Variants in AGK observed in about 807,000 individuals in gnomAD.
The protein encoded by AGK is acylglycerol kinase, also known as acylglycerol kinase, mitochondrial.
A neutral mutation model predicts 66.4 loss-of-function variants in AGK; 52 were observed. The observed-to-expected ratio is 0.78, with a 90% CI of 0.63 to 0.99. The LOEUF (loss-of-function observed/expected upper bound fraction) is 0.99. Ranked by LOEUF, AGK falls within the 50% of genes least tolerant of loss-of-function variation. The probability of loss-of-function intolerance (pLI) is 0.00; values close to 1 mark genes in which losing one functional copy is unlikely to be tolerated. For missense variants in AGK, 451 were observed against 506.6 expected (o/e 0.89, Z 1.05); for synonymous variants, 182 against 181.1 (o/e 1.00, Z -0.04).
Position 141,561,615 on chromosome 7 carries a change from T to A in AGK, c.101+6048T>A, listed in dbSNP as rs532037804. Among the ~76,000 whole-genome samples, 50 of 147,796 alleles carry A rather than the reference T, an allele frequency of 3.4e-4. 1 individual carries two copies. In the South Asian group the frequency reaches 0.011, roughly 31 times the overall value. On this transcript the variant is annotated intron_variant, in intron 2 of 15. Coordinates refer to ENST00000649286, the MANE Select transcript of AGK (RefSeq NM_018238.4). ...CTTAGGCCACTTTTTGATGGAATTA[T>A]TTTTTTTTTCTTGCTGATTTGTTTG...
At chr7:141,619,885 C>T (rs996783663) in intron 8 of AGK, among the ~76,000 whole-genome samples, 1 of 152,190 alleles carries the variant, frequency 6.6e-6, no homozygotes, top group African/African-American at 2.4e-5. Context: ...AAAACCTGTA[C>T]ATGAATATTT....
chr7:141,641,963 G>A, intron 13 of AGK, 55 bp downstream of exon 13: 1 of 1,371,864 alleles, frequency 7.3e-7, no homozygotes. Context: ...AGTGACAATA[G>A]CTATAGTCCT....
intron 7 of AGK, 36 bp from the exon 8 acceptor site, chr7:141,615,435 A>C (rs532523468): frequency 3.2e-6 from 5 of 1,569,608 alleles, no homozygotes; most frequent in Non-Finnish European, 4.4e-6. Flanking sequence ...TTTTCTGATC[A>C]TAACAATAAA....
At chr7:141,626,388 T>C (rs1796938904) in intron 9 of AGK, among the ~76,000 whole-genome samples, 1 of 152,186 alleles carries the variant, frequency 6.6e-6, no homozygotes, top group African/African-American at 2.4e-5. Context: ...GTAGAGATCA[T>C]CAGTGAATAC....
At chr7:141,645,798 A>C (rs1797397648) in intron 13 of AGK, among the ~76,000 whole-genome samples, 1 of 152,220 alleles carries the variant, frequency 6.6e-6, no homozygotes, top group African/African-American at 2.4e-5. Flanking sequence ...ATCTATTGAG[A>C]TAATAAAGTT....
At chr7:141,637,296 G>A (rs867748676) in intron 11 of AGK, among the ~76,000 whole-genome samples, 1 of 151,886 alleles carries the variant, frequency 6.6e-6, no homozygotes, top group Non-Finnish European at 1.5e-5. Context: ...TCTCTTGCCC[G>A]ACAGACCTTG....
chr7:141,637,087 T>A, intron 11 of AGK, 70 bp downstream of exon 11: 1 of 1,304,270 alleles, frequency 7.7e-7, no homozygotes, highest in Non-Finnish European at 1.1e-6. Flanking sequence ...ATATATTTGG[T>A]ATTTTTTTTT....
intron 5 of AGK, among the ~76,000 whole-genome samples, chr7:141,603,717 G>A (rs1481211459): frequency 6.6e-6 from 1 of 152,124 alleles, no homozygotes; most frequent in Non-Finnish European, 1.5e-5. Context: ...ATAGTGGCAT[G>A]GCTGAGGAAG....
At chr7:141,641,549 A>G (rs1797290408) in intron 12 of AGK, 151 bp downstream of exon 12, 1 of 932,366 alleles carries the variant, frequency 1.1e-6, no homozygotes, top group African/African-American at 1.7e-5. Context: ...CCACCAGAGC[A>G]GGCCCAAGCA....
At chr7:141,650,292 G>T (rs1408879985) in intron 14 of AGK, among the ~76,000 whole-genome samples, 1 of 152,240 alleles carries the variant, frequency 6.6e-6, no homozygotes, top group Non-Finnish European at 1.5e-5. Flanking sequence ...TCTACAGAAT[G>T]TCCAGAAATC....
intron 2 of AGK, among the ~76,000 whole-genome samples, chr7:141,575,654 CTTTTTTTTTTTT>C (rs58292692): frequency 1.1e-3 from 62 of 58,242 alleles, no homozygotes; most frequent in Non-Finnish European, 2.0e-3. Flanking sequence ...TTACAAAGGC[CTTTTTTTTTTTT>C]TTTTTTTTTT....
chr7:141,637,767 T>C (rs115150568), intron 11 of AGK, among the ~76,000 whole-genome samples: 1,554 of 152,350 alleles, frequency 0.01, 28 homozygotes, highest in African/African-American at 0.035. Flanking sequence ...AATGTTTTTC[T>C]AATTATAAAA....
At chr7:141,579,406 T>C (rs957225200) in intron 2 of AGK, among the ~76,000 whole-genome samples, 2 of 151,824 alleles carry the variant, frequency 1.3e-5, no homozygotes, top group African/African-American at 4.9e-5. Context: ...TGTATAGAGG[T>C]GGGAAGGCCA....
chr7:141,644,781 G>A (rs1197684905), intron 13 of AGK, among the ~76,000 whole-genome samples: 1 of 152,086 alleles, frequency 6.6e-6, no homozygotes, highest in Non-Finnish European at 1.5e-5. Context: ...TGGAGGTAAA[G>A]CTCCAATTTT....
At chr7:141,639,981 TCAG>T (rs1797253378) in intron 11 of AGK, among the ~76,000 whole-genome samples, 1 of 152,144 alleles carries the variant, frequency 6.6e-6, no homozygotes, top group Non-Finnish European at 1.5e-5. Context: ...TAATTGACTA[TCAG>T]TTTGGCACTG....
chr7:141,564,221 T>C (rs954768032), intron 2 of AGK, among the ~76,000 whole-genome samples: 3 of 152,238 alleles, frequency 2.0e-5, no homozygotes, highest in Admixed American at 1.3e-4. Context: ...ACCAGTTTTA[T>C]TTTGCATTCT....
chr7:141,629,513 C>T (rs1797010136), intron 9 of AGK, among the ~76,000 whole-genome samples: 1 of 152,156 alleles, frequency 6.6e-6, no homozygotes, highest in African/African-American at 2.4e-5. Flanking sequence ...TCTGACCTTG[C>T]ATGCTTTTTC....
At chr7:141,650,511 T>G in intron 14 of AGK, 10 of 985,482 alleles carry the variant, frequency 1.0e-5, no homozygotes, top group Non-Finnish European at 1.2e-5. Context: ...TCTGGATATC[T>G]GAAGAGAACA....
intron 2 of AGK, among the ~76,000 whole-genome samples, chr7:141,556,540 C>CAA (rs35273565): frequency 1.1e-4 from 10 of 88,112 alleles, no homozygotes; most frequent in South Asian, 3.7e-4. Flanking sequence ...GACCCTGTCT[C>CAA]AAAAAAAAAA....
Sources: allele counts gnomAD v4.1 joint callset (sites outside exome capture counted in the v4.1 genomes callset), GRCh38; gene constraint gnomAD v4.1.1; transcripts MANE v1.5; gene names NCBI Gene and HGNC (gene_info 2026-07-23, HGNC 2026-07-21).